ATAD2B: variants seen among roughly 807,000 people sequenced by gnomAD.
ATAD2B encodes ATPase family AAA domain containing 2B.
ATAD2B carries 40 observed loss-of-function variants against 167.6 expected under a neutral mutation model. That is an observed-to-expected ratio of 0.24 (90% CI 0.19 to 0.31). ATAD2B has a LOEUF of 0.31. ATAD2B is among the 10% of genes least tolerant of loss of function. ATAD2B has a pLI of 1.00. For synonymous variants in ATAD2B, 579 were observed against 596.5 expected, an observed-to-expected ratio of 0.97 and a Z score of 0.43; for missense variants, 1,242 against 1,757.2, an observed-to-expected ratio of 0.71 and a Z score of 5.24.
At chr2:23,691,263 G>A in the ATAD2B span, 2 of 258,100 alleles carry the variant, frequency 7.7e-6, no homozygotes, top group Non-Finnish European at 1.5e-5. Flanking sequence ...CCAAGCCTGG[G>A]TCACGTTGGA....
intron 14 of ATAD2B, 58 bp from the exon 15 acceptor site, chr2:23,828,997 A>ATAT: frequency 8.9e-7 from 1 of 1,120,850 alleles, no homozygotes; most frequent in Admixed American, 2.0e-5. Context: ...TACAGATAAA[A>ATAT]TATTATCAAT....
At chr2:23,788,329 C>T (rs1681131422) in intron 20 of ATAD2B, 183 bp downstream of exon 20, 1 of 626,088 alleles carries the variant, frequency 1.6e-6, no homozygotes. Flanking sequence ...TTTAACAAGG[C>T]TATACTTCCC....
Position 23,888,874 on chromosome 2 carries a change from A to C in ATAD2B, c.369-475T>G, listed in dbSNP as rs1040535362. ...ATTACACATTTAATCTGACAAATCA[A>C]ACAGCTGATTTATCGAAAGAGCCAT... On this transcript the variant is annotated intron_variant, in intron 2 of 27. Transcript: ENST00000238789. 9.9e-5 allele frequency among the ~76,000 whole-genome samples: 15 copies of C among 152,220 alleles called. 1 individual carries two copies. Among genetic ancestry groups the C allele is most frequent in the Admixed American group, 8.5e-4 (13 of 15,280 alleles).
At chr2:23,779,863 G>A (rs1193741356) in intron 22 of ATAD2B, among the ~76,000 whole-genome samples, 5 of 152,176 alleles carry the variant, frequency 3.3e-5, no homozygotes, top group African/African-American at 1.2e-4. Flanking sequence ...ATCCGTGGAT[G>A]GGGACGGAAA....
intron 1 of ATAD2B, among the ~76,000 whole-genome samples, chr2:23,902,104 G>A (rs151299684): frequency 1.5e-4 from 23 of 152,222 alleles, no homozygotes; most frequent in Non-Finnish European, 2.8e-4. Flanking sequence ...ACAACCTGCT[G>A]GACTGGAATC....
chr2:23,718,140 T>A, the ATAD2B span, among the ~76,000 whole-genome samples: 1 of 151,554 alleles, frequency 6.6e-6, no homozygotes, highest in East Asian at 1.9e-4. Context: ...TCCGAGAAAA[T>A]TTTTTTTTAG....
chr2:23,827,528 A>G (rs1688438312), intron 15 of ATAD2B, among the ~76,000 whole-genome samples: 1 of 152,204 alleles, frequency 6.6e-6, no homozygotes, highest in Non-Finnish European at 1.5e-5. Flanking sequence ...TCAGTTAAGG[A>G]TCATTCTGTG....
At chr2:23,866,289 C>G (rs1695113541) in intron 10 of ATAD2B, among the ~76,000 whole-genome samples, 1 of 152,118 alleles carries the variant, frequency 6.6e-6, no homozygotes, top group Admixed American at 6.5e-5. Flanking sequence ...CTTGTAATCC[C>G]AGCTACTCGG....
intron 17 of ATAD2B, among the ~76,000 whole-genome samples, chr2:23,814,780 C>T (rs773537686): frequency 2.6e-5 from 4 of 151,970 alleles, no homozygotes; most frequent in Admixed American, 6.6e-5. Flanking sequence ...TGTGGCCTGG[C>T]GCAGTGTCTC....
rs537612083 is a variant in ATAD2B at position 23,775,870 on chromosome 2, C to A, written c.3133+6999G>T. The stretch of plus-strand genomic sequence containing the variant: ...ACCACATATACAACTAGTAATCCAG[C>A]ACTTTGGGAAGCCAAGGCAGGCAGA... On this transcript the variant is annotated intron_variant, in intron 22 of 27. Transcript: ENST00000238789. Among the ~76,000 whole-genome samples the A allele has an allele frequency of 3.9e-5, 6 of 152,328 alleles. No homozygotes were observed. In the East Asian group the frequency reaches 7.7e-4, roughly 20 times the overall value.
chr2:23,816,834 T>C (rs1558587799), intron 17 of ATAD2B, among the ~76,000 whole-genome samples: 1 of 152,186 alleles, frequency 6.6e-6, no homozygotes, highest in Non-Finnish European at 1.5e-5. Flanking sequence ...ATCATAAAGC[T>C]TCTCTACCAG....
the ATAD2B span, among the ~76,000 whole-genome samples, chr2:23,711,338 C>CTTTTTT: frequency 2.2e-5 from 1 of 45,622 alleles, no homozygotes; most frequent in Non-Finnish European, 3.8e-5. Flanking sequence ...CACAGAATTT[C>CTTTTTT]TTTCTTTTTT....
intron 1 of ATAD2B, among the ~76,000 whole-genome samples, chr2:23,898,631 A>C (rs1321791428): frequency 6.6e-6 from 1 of 152,210 alleles, no homozygotes; most frequent in Non-Finnish European, 1.5e-5. Flanking sequence ...GCTCAGAATA[A>C]ATCTCTTTAA....
At chr2:23,747,984 TCAGA>T (rs1318142648), downstream of ATAD2B, among the ~76,000 whole-genome samples, 10 of 152,260 alleles carry the variant, frequency 6.6e-5, no homozygotes, top group Admixed American at 2.0e-4. Context: ...ATCTAAACAT[TCAGA>T]CAGTGTTAAA....
At chr2:23,713,761 C>T in the ATAD2B span, among the ~76,000 whole-genome samples, 1 of 152,158 alleles carries the variant, frequency 6.6e-6, no homozygotes, top group Admixed American at 6.5e-5. Flanking sequence ...TCTTTTATGG[C>T]TCCATATTAT....
chr2:23,788,331 A>G (rs1461858280), intron 20 of ATAD2B, 181 bp downstream of exon 20: 2 of 635,994 alleles, frequency 3.1e-6, no homozygotes, highest in Admixed American at 5.9e-5. Context: ...TAACAAGGCT[A>G]TACTTCCCAA....
chr2:23,784,937 A>C (rs1680595373), intron 21 of ATAD2B, among the ~76,000 whole-genome samples: 1 of 152,108 alleles, frequency 6.6e-6, no homozygotes, highest in Admixed American at 6.6e-5. Flanking sequence ...ACTTGCCAAC[A>C]AGTCTGTTTC....
the ATAD2B span, among the ~76,000 whole-genome samples, chr2:23,694,538 T>C: frequency 3.9e-5 from 6 of 152,262 alleles, no homozygotes; most frequent in East Asian, 9.7e-4. Flanking sequence ...CCTCGTCGAC[T>C]CCACAGGGGA....
At chr2:23,876,716 T>A (rs1696897704) in intron 7 of ATAD2B, among the ~76,000 whole-genome samples, 1 of 152,192 alleles carries the variant, frequency 6.6e-6, no homozygotes, top group Admixed American at 6.6e-5. Flanking sequence ...ATAAACATTC[T>A]AAACAGATGT....
Sources: gnomAD v4.1 joint callset for allele counts (sites outside exome capture counted in the v4.1 genomes callset) on GRCh38, gnomAD v4.1.1 for gene constraint, MANE v1.5 for transcripts, NCBI Gene and HGNC (gene_info 2026-07-23, HGNC 2026-07-21) for gene names.